Variants in CACNG3 observed in about 807,000 individuals in gnomAD.
CACNG3 encodes the protein calcium voltage-gated channel auxiliary subunit gamma 3.
A neutral mutation model predicts 28.5 loss-of-function variants in CACNG3; 3 were observed. The ratio of observed to expected loss-of-function variants is 0.11; its 90% CI spans 0.05 to 0.27. The LOEUF is 0.27. Ranked by LOEUF, CACNG3 falls within the 10% of genes least tolerant of loss-of-function variation. CACNG3 has a pLI of 1.00. For synonymous variants in CACNG3, 174 were observed against 162.2 expected (o/e 1.07, Z -0.55); for missense variants, 236 against 414.4 (o/e 0.57, Z 3.74).
At chr16:24,308,972 TG>T (rs1899225291) in intron 1 of CACNG3, among the ~76,000 whole-genome samples, 1 of 152,090 alleles carries the variant, frequency 6.6e-6, no homozygotes, top group African/African-American at 2.4e-5. Flanking sequence ...TTTCTTGAAT[TG>T]GCTCACTTAA....
intron 1 of CACNG3, among the ~76,000 whole-genome samples, chr16:24,262,518 C>T (rs1898548921): frequency 6.6e-6 from 1 of 152,216 alleles, no homozygotes; most frequent in Non-Finnish European, 1.5e-5. Flanking sequence ...CACCAACTCC[C>T]CACCACCACT....
chr16:24,269,746 C>CAAAAAAAAAAAAAAAAAAAAAAGAAGAAA (rs1163565728), intron 1 of CACNG3, among the ~76,000 whole-genome samples: 1 of 71,084 alleles, frequency 1.4e-5, no homozygotes, highest in African/African-American at 4.8e-5. Flanking sequence ...GACTCCATCT[C>CAAAAAAAAAAAAAAAAAAAAAAGAAGAAA]AAAAAAAAAA....
At chr16:24,276,175 G>A (rs778093863) in intron 1 of CACNG3, among the ~76,000 whole-genome samples, 1 of 152,124 alleles carries the variant, frequency 6.6e-6, no homozygotes, top group Non-Finnish European at 1.5e-5. Context: ...TCTTGAGCCA[G>A]ACATTAAAGA....
At chr16:24,313,077 A>G (rs1029140738) in intron 1 of CACNG3, among the ~76,000 whole-genome samples, 55 of 144,764 alleles carry the variant, frequency 3.8e-4, no homozygotes, top group Non-Finnish European at 7.8e-4. Flanking sequence ...GGGAGGGAGG[A>G]AGGAAGGAAG....
intron 1 of CACNG3, among the ~76,000 whole-genome samples, chr16:24,273,343 T>C (rs185478308): frequency 1.3e-5 from 2 of 152,346 alleles, no homozygotes; most frequent in Admixed American, 1.3e-4. Context: ...TTTAGCAAAC[T>C]CACTCCTCCC....
intron 1 of CACNG3, among the ~76,000 whole-genome samples, chr16:24,279,337 G>T (rs1329974253): frequency 6.6e-6 from 1 of 152,058 alleles, no homozygotes; most frequent in Non-Finnish European, 1.5e-5. Flanking sequence ...TCTGTTGGCC[G>T]GGCTGGAGTG....
At chr16:24,314,799 A>C (rs1430653105) in intron 1 of CACNG3, among the ~76,000 whole-genome samples, 7 of 138,034 alleles carry the variant, frequency 5.1e-5, no homozygotes, top group African/African-American at 1.6e-4. Flanking sequence ...CTTCATTTTC[A>C]TGCCTTCCAG....
chr16:24,264,453 G>A (rs1898572313), intron 1 of CACNG3, among the ~76,000 whole-genome samples: 1 of 152,224 alleles, frequency 6.6e-6, no homozygotes, highest in Admixed American at 6.5e-5. Context: ...ACCAGGAAAG[G>A]AAGTTGCAGT....
chr16:24,311,240 G>A (rs1053707071), intron 1 of CACNG3, among the ~76,000 whole-genome samples: 2 of 152,220 alleles, frequency 1.3e-5, no homozygotes, highest in African/African-American at 4.8e-5. Context: ...ACCAAGTGCG[G>A]TGGCTCACGC....
chr16:24,315,269 C>T (rs1162859111), intron 1 of CACNG3, among the ~76,000 whole-genome samples: 2 of 152,162 alleles, frequency 1.3e-5, no homozygotes, highest in Non-Finnish European at 2.9e-5. Context: ...CTGCATCTCA[C>T]CCAGACATTC....
chr16:24,356,225 C>T (rs1900029191), intron 3 of CACNG3, among the ~76,000 whole-genome samples: 1 of 152,102 alleles, frequency 6.6e-6, no homozygotes, highest in African/African-American at 2.4e-5. Context: ...GACTTTCAAA[C>T]TTTGCAAGGT....
At chr16:24,260,340 C>T (rs1898521626) in intron 1 of CACNG3, among the ~76,000 whole-genome samples, 1 of 152,156 alleles carries the variant, frequency 6.6e-6, no homozygotes, top group African/African-American at 2.4e-5. Flanking sequence ...ACCAGAATAT[C>T]CCTTACATTT....
chr16:24,359,251 A>G (rs745600994), intron 3 of CACNG3, among the ~76,000 whole-genome samples: 1 of 152,124 alleles, frequency 6.6e-6, no homozygotes. Context: ...TTAAAAATTC[A>G]TGTGAAGTCT....
chr16:24,261,574 G>A (rs1435593452), intron 1 of CACNG3, among the ~76,000 whole-genome samples: 2 of 152,082 alleles, frequency 1.3e-5, no homozygotes, highest in African/African-American at 4.8e-5. Context: ...TACCTAAATA[G>A]CACTTTTAAT....
Position 24,350,630 on chromosome 16 carries a change from A to T in CACNG3, c.295+3813A>T, listed in dbSNP as rs78621623. ...ATATCCATTTTTGTGTAACCAACAC[A>T]GTTCAATAGCTTCAAACATTCAAAT... On this transcript the variant is annotated intron_variant, in intron 2 of 3. Coordinates refer to ENST00000005284, the MANE Select transcript of CACNG3 (RefSeq NM_006539.4). Among the ~76,000 whole-genome samples the T allele has an allele frequency of 6.1e-3, 930 of 152,318 alleles. 11 individuals are homozygous for T. The highest frequency in any genetic ancestry group is 0.021 in the African/African-American group (886 of 41,566).
At chr16:24,317,692 GAAAGA>G (rs1899398399) in intron 1 of CACNG3, among the ~76,000 whole-genome samples, 1 of 107,234 alleles carries the variant, frequency 9.3e-6, no homozygotes, top group African/African-American at 4.1e-5. Context: ...AAGAAAGAAA[GAAAGA>G]AAGAAAGAAA....
At chr16:24,278,568 A>T (rs1440258040) in intron 1 of CACNG3, among the ~76,000 whole-genome samples, 3 of 152,192 alleles carry the variant, frequency 2.0e-5, no homozygotes, top group African/African-American at 7.2e-5. Flanking sequence ...GTGAGCCGAG[A>T]TTGCACCACT....
intron 1 of CACNG3, among the ~76,000 whole-genome samples, chr16:24,332,459 T>C (rs1309067609): frequency 8.6e-5 from 8 of 93,150 alleles, no homozygotes; most frequent in Non-Finnish European, 2.2e-5. Context: ...AGCAAGACCC[T>C]GTCTCAAAAA....
chr16:24,319,080 G>T (rs55878308), intron 1 of CACNG3, among the ~76,000 whole-genome samples: 2,249 of 152,294 alleles, frequency 0.015, 51 homozygotes, highest in African/African-American at 0.051. Flanking sequence ...TCCATTTACA[G>T]TTGGGTTATA....
Sources: gnomAD v4.1 joint callset for allele counts (sites outside exome capture counted in the v4.1 genomes callset) on GRCh38, gnomAD v4.1.1 for gene constraint, MANE v1.5 for transcripts, NCBI Gene and HGNC (gene_info 2026-07-23, HGNC 2026-07-21) for gene names.